Variants in SRPRA observed in about 807,000 individuals in gnomAD.
SRPRA encodes the protein SRP receptor subunit alpha.
In SRPRA, 30 loss-of-function variants were observed where a neutral mutation model predicts 61.1. The ratio of observed to expected loss-of-function variants is 0.49; its 90% CI spans 0.37 to 0.67. The LOEUF (loss-of-function observed/expected upper bound fraction) is 0.67, where lower values mean the gene tolerates loss of function less well. Among genes scored for constraint, SRPRA ranks in the 30% least tolerant of loss-of-function variants. The pLI is 0.00. For missense variants in SRPRA, 759 were observed against 828.4 expected, an observed-to-expected ratio of 0.92 and a Z score of 1.03; for synonymous variants, 324 against 299.7, an observed-to-expected ratio of 1.08 and a Z score of -0.84.
chr11:126,250,033 T>C, the SRPRA span, among the ~76,000 whole-genome samples: 1 of 152,124 alleles, frequency 6.6e-6, no homozygotes, highest in East Asian at 1.9e-4. The surrounding 1 kb of genome is among the most constrained non-coding windows in gnomAD (Gnocchi z 5.1). Flanking sequence ...GCACTTGGCA[T>C]GTATCATCTC....
chr11:126,249,596 T>G, the SRPRA span, among the ~76,000 whole-genome samples: 1 of 151,826 alleles, frequency 6.6e-6, no homozygotes, highest in East Asian at 1.9e-4. Context: ...CTGAGCACAG[T>G]GGCAGGCGCC....
rs1950847884 is a variant in SRPRA at position 126,267,833 on chromosome 11, A to T, written c.202-121T>A. On this transcript the variant is annotated intron_variant, in intron 2 of 13. Coordinates refer to ENST00000332118, the MANE Select transcript of SRPRA (RefSeq NM_003139.4). The surrounding 1 kb of genome is among the most constrained non-coding windows in gnomAD (Gnocchi z 4.2). ...CTACCTGGCCGGTTTCCCTGTCCTGAGAGGCAGCCAAGCTCCCTGCCTGGG... is the reference window on the plus strand; with the variant it reads ...CTACCTGGCCGGTTTCCCTGTCCTGTGAGGCAGCCAAGCTCCCTGCCTGGG... 6.8e-7 allele frequency: 1 copy of T among 1,464,412 alleles called. No individual in the cohort carries two copies. Among genetic ancestry groups the T allele is most frequent in the Non-Finnish European group, 9.4e-7 (1 of 1,068,508 alleles). 90.7% of individuals were successfully genotyped at this position (1,464,412 alleles called of 1,614,324 possible). A position where few individuals can be genotyped will look rare whatever the true frequency, so the allele number is the denominator to read the frequency against.
chr11:126,263,872 G>T lies in SRPRA; in HGVS notation c.*44C>A. On this transcript the variant is annotated 3_prime_UTR_variant, in exon 14 of 14. Coordinates refer to ENST00000332118, the MANE Select transcript of SRPRA (RefSeq NM_003139.4). ...AGCACATTCTTGATACAGGAAGAAG[G>T]GCTTGTGGGGAAAGCGGCGATTTGG... 4 of 1,609,450 alleles carry T rather than the reference G, an allele frequency of 2.5e-6. No homozygotes were observed. The highest frequency in any genetic ancestry group is 3.4e-6 in the Non-Finnish European group (4 of 1,178,144).
At chr11:126,246,649 C>G in the SRPRA span, among the ~76,000 whole-genome samples, 2 of 151,880 alleles carry the variant, frequency 1.3e-5, no homozygotes, top group African/African-American at 2.4e-5. Flanking sequence ...CCTGTGTTGC[C>G]CAGGCTGGTG....
the SRPRA span, among the ~76,000 whole-genome samples, chr11:126,248,358 CTTTTTTTTTTTTTTTT>C: frequency 2.7e-5 from 1 of 36,966 alleles, no homozygotes; most frequent in Admixed American, 5.7e-4. Context: ...TAGTAGTTGA[CTTTTTTTTTTTTTTTT>C]TTTTTTTTTT....
rs535541773 is a variant in SRPRA, at chr11:126,266,442, G to T, written c.840+34C>A. ...ACACTCTACTTCCTCCCAATTTGTT[G>T]TTAAAGATCACTTTGACCCCTGTTA... On this transcript the variant is annotated intron_variant, in intron 6 of 13. Transcript: ENST00000332118. 5 of 1,605,982 alleles carry T rather than the reference G, an allele frequency of 3.1e-6. No individual in the cohort carries two copies. In the East Asian group the frequency reaches 8.9e-5, roughly 29 times the overall value.
the SRPRA span, among the ~76,000 whole-genome samples, chr11:126,238,172 G>A: frequency 6.6e-6 from 1 of 151,984 alleles, no homozygotes; most frequent in Non-Finnish European, 1.5e-5. Context: ...GACCAGCCTG[G>A]CCAACCTGGT....
chr11:126,250,454 T>C, the SRPRA span: 1 of 1,284,662 alleles, frequency 7.8e-7, no homozygotes, highest in Admixed American at 1.8e-5. The surrounding 1 kb of genome is among the most constrained non-coding windows in gnomAD (Gnocchi z 5.1). Context: ...CTAAAACAAC[T>C]GACCTACCAA....
At position 126,267,425 on chromosome 11, in the gene SRPRA, A is replaced by G; in HGVS notation, c.366-90T>C. 6.3e-7 allele frequency: 1 copy of G among 1,589,336 alleles called. No individual in the cohort carries two copies. The highest frequency in any genetic ancestry group is 1.1e-5 in the South Asian group (1 of 88,200). ...AAAGGACTCTCACACCCAAGAGGAC[A>G]ATGAGAACTGGGTAGCAAATTAGGA... is the stretch of plus-strand genomic sequence containing the variant. On this transcript the variant is annotated intron_variant, in intron 3 of 13. Transcript: ENST00000332118. This position sits in a 1 kb window ranked among gnomAD's most constrained non-coding sequence, Gnocchi z 4.2.
the SRPRA span, among the ~76,000 whole-genome samples, chr11:126,236,065 C>A: frequency 6.6e-6 from 1 of 152,216 alleles, no homozygotes; most frequent in African/African-American, 2.4e-5. Flanking sequence ...ATTCTTCCTT[C>A]TGGATGCTAG....
At position 126,266,828 on chromosome 11, in the gene SRPRA, C is replaced by G; in HGVS notation, c.621G>C (p.Glu207Asp). The change falls in exon 5 of 14, where the codon GAG (glutamate) becomes GAC (aspartate). Residue 207 changes from glutamate to aspartate, a missense_variant. Transcript: ENST00000332118. ...GPENGVELSKEELIRRKREEF... is the reference protein window; with the variant it reads ...GPENGVELSKDELIRRKREEF... ...CCTCGCGCTTCCTGCGGATCAGCTC[C>G]TCTTTGGAAAGTTCTACTCCGTTCT... is the stretch of plus-strand genomic sequence containing the variant. 1 of 1,614,184 alleles carries G rather than the reference C, an allele frequency of 6.2e-7. No homozygotes were observed. The highest frequency in any genetic ancestry group is 1.7e-5 in the Admixed American group (1 of 60,024).
At chr11:126,256,915 T>G in the SRPRA span, 1 of 1,504,106 alleles carries the variant, frequency 6.6e-7, no homozygotes, top group South Asian at 1.3e-5. The surrounding 1 kb of genome is among the most constrained non-coding windows in gnomAD (Gnocchi z 6.6). Flanking sequence ...TTTTGTGTAT[T>G]TGTGATGTGA....
chr11:126,247,108 C>T, the SRPRA span, among the ~76,000 whole-genome samples: 1 of 152,142 alleles, frequency 6.6e-6, no homozygotes, highest in Non-Finnish European at 1.5e-5. Context: ...GCTTGGGCAA[C>T]ATAGTGAGAC....
downstream of SRPRA, chr11:126,262,806 T>G (rs116795411): frequency 3.3e-5 from 5 of 152,716 alleles, no homozygotes; most frequent in East Asian, 9.6e-4. Context: ...TTTACTTACC[T>G]GATTCCTCGG....
the SRPRA span, among the ~76,000 whole-genome samples, chr11:126,242,534 C>T: frequency 1.0e-3 from 152 of 152,258 alleles, no homozygotes; most frequent in African/African-American, 3.6e-3. Context: ...ACTACTGTAA[C>T]TTAATAAAGG....
At chr11:126,261,015 G>A (rs528602552), downstream of SRPRA, 52 of 161,804 alleles carry the variant, frequency 3.2e-4, no homozygotes, top group Middle Eastern at 9.5e-3. Context: ...TATTTTGTGG[G>A]AGTATTCTGC....
Position 126,265,784 on chromosome 11 carries a change from T to A in SRPRA, c.1091A>T (p.Glu364Val). The A allele has an allele frequency of 2.5e-6, 4 of 1,614,204 alleles. No homozygotes were observed. The highest frequency in any genetic ancestry group is 3.4e-6 in the Non-Finnish European group (4 of 1,180,040). The change falls in exon 9 of 14, where the codon GAA (glutamate) becomes GTA (valine). Residue 364 changes from glutamate (E) to valine (V), a missense_variant. Glu to Val is a moderately radical substitution (Grantham distance 121, BLOSUM62 -2). This residue lies in a region of SRPRA where 475 missense variants were observed against 462.5 expected (regional missense o/e 1.03). Transcript: ENST00000332118. This position sits in a 1 kb window ranked among gnomAD's most constrained non-coding sequence, Gnocchi z 6.3. ...VAADIAVQLC[E>V]SVANKLEGKV... is the part of the protein sequence containing the mutation. ...CCCTTCCAACTTGTTGGCAACAGAT[T>A]CACAGAGCTGGACGGCAATGTCTGC...
In SRPRA at chr11:126,263,901, T is replaced by C; in HGVS notation, c.*15A>G. On this transcript the variant is annotated 3_prime_UTR_variant, in exon 14 of 14. Transcript: ENST00000332118. ...TGTGGGGAAAGCGGCGATTTGGTATTGGGCAAGAGCCACGTTAAGCCTTCA... is the reference window on the plus strand; with the variant it reads ...TGTGGGGAAAGCGGCGATTTGGTATCGGGCAAGAGCCACGTTAAGCCTTCA... 5 of 1,612,498 alleles carry C rather than the reference T, an allele frequency of 3.1e-6. No homozygotes were observed. Among genetic ancestry groups the C allele is most frequent in the Non-Finnish European group, 4.2e-6 (5 of 1,179,558 alleles).
the SRPRA span, among the ~76,000 whole-genome samples, chr11:126,248,947 C>T: frequency 6.6e-6 from 1 of 152,326 alleles, no homozygotes; most frequent in Admixed American, 6.5e-5. Context: ...GTCCCAAGAG[C>T]CACTTTGTCT....
Sources: allele counts gnomAD v4.1 joint callset (sites outside exome capture counted in the v4.1 genomes callset), GRCh38; gene constraint gnomAD v4.1.1; regional missense constraint gnomAD v4.1.1; non-coding constraint Gnocchi (gnomAD v3.1); transcripts MANE v1.5; gene names NCBI Gene and HGNC (gene_info 2026-07-23, HGNC 2026-07-21).